Variants in COL22A1 observed in about 807,000 individuals in gnomAD.
COL22A1 encodes collagen type XXII alpha 1 chain, also known as collagen alpha-1(XXII) chain.
A neutral mutation model predicts 248.9 loss-of-function variants in COL22A1; 221 were observed. That is an observed-to-expected ratio of 0.89 (90% confidence interval 0.80 to 0.99). The LOEUF is 0.99. Ranked by LOEUF, COL22A1 falls within the 50% of genes least tolerant of loss-of-function variation. The pLI is 0.00. For synonymous variants in COL22A1, 891 were observed against 793.4 expected, an observed-to-expected ratio of 1.12 and a Z score of -2.07; for missense variants, 2,240 against 2,179.0, an observed-to-expected ratio of 1.03 and a Z score of -0.56.
intron 1 of COL22A1, among the ~76,000 whole-genome samples, chr8:138,900,187 C>G (rs1434530604): frequency 6.6e-6 from 1 of 152,214 alleles, no homozygotes; most frequent in Non-Finnish European, 1.5e-5. Flanking sequence ...AGATTCTGTG[C>G]TCTTTTCATT....
At chr8:138,682,571 A>G (rs1021948601) in intron 39 of COL22A1, among the ~76,000 whole-genome samples, 3 of 152,190 alleles carry the variant, frequency 2.0e-5, no homozygotes, top group Non-Finnish European at 4.4e-5. Flanking sequence ...GCATACCTAG[A>G]GCTCATGCTC....
chr8:138,607,911 C>CA (rs1366472168), intron 57 of COL22A1, 25 bp downstream of exon 57: 3 of 1,612,138 alleles, frequency 1.9e-6, no homozygotes, highest in South Asian at 2.2e-5. Flanking sequence ...CTGATGCCAT[C>CA]ACATAGCAGC....
chr8:138,641,312 T>C (rs1415219864), intron 47 of COL22A1, among the ~76,000 whole-genome samples: 2 of 152,196 alleles, frequency 1.3e-5, no homozygotes, highest in African/African-American at 4.8e-5. Context: ...CTTTTGCTCA[T>C]TGGGTGTCTC....
intron 1 of COL22A1, among the ~76,000 whole-genome samples, chr8:138,899,684 C>G (rs749836984): frequency 6.6e-6 from 1 of 151,936 alleles, no homozygotes; most frequent in Non-Finnish European, 1.5e-5. Flanking sequence ...CCACCATGCC[C>G]GGCTAATTTT....
intron 12 of COL22A1, among the ~76,000 whole-genome samples, chr8:138,785,499 A>T (rs1481236743): frequency 2.6e-5 from 4 of 152,226 alleles, no homozygotes; most frequent in Non-Finnish European, 5.9e-5. Flanking sequence ...CTCCCTCCAG[A>T]ATCAGGCCGC....
rs773356737 is a variant in COL22A1, at chr8:138,796,900, C to T, written c.1558-43G>A. 34 of 1,331,068 alleles carry T rather than the reference C, an allele frequency of 2.6e-5. 1 individual carries two copies. Among genetic ancestry groups the T allele is most frequent in the Middle Eastern group, 3.6e-4 (2 of 5,598 alleles). The allele number at this position is 1,331,068 out of a possible 1,614,324, so 82.5% of individuals were successfully genotyped here. A position where few individuals can be genotyped will look rare whatever the true frequency, so the allele number is the denominator to read the frequency against. On this transcript the variant is annotated intron_variant, in intron 11 of 64. Transcript: ENST00000303045. The stretch of plus-strand genomic sequence containing the variant: ...GGCAAAGATTCACTACAGAGCATCT[C>T]CATGGCATGACATTGCAAATGGCAA...
chr8:138,638,603 T>A (rs2130402641), intron 47 of COL22A1, among the ~76,000 whole-genome samples: 1 of 152,280 alleles, frequency 6.6e-6, no homozygotes, highest in South Asian at 2.1e-4. Context: ...CTCATATCTG[T>A]GAAGTGCTAA....
intron 10 of COL22A1, among the ~76,000 whole-genome samples, chr8:138,803,306 T>C (rs1817160309): frequency 6.6e-6 from 1 of 152,164 alleles, no homozygotes; most frequent in African/African-American, 2.4e-5. Context: ...TCTTTGGGCC[T>C]CAGGCTTCTC....
intron 21 of COL22A1, among the ~76,000 whole-genome samples, chr8:138,752,667 T>C (rs1471444351): frequency 6.6e-6 from 1 of 152,200 alleles, no homozygotes. Context: ...TGTTTCATCT[T>C]AGGGAATGGA....
chr8:138,775,230 G>C (rs1304046764), intron 16 of COL22A1, among the ~76,000 whole-genome samples: 1 of 152,170 alleles, frequency 6.6e-6, no homozygotes, highest in African/African-American at 2.4e-5. Context: ...GCTGGGAAGA[G>C]TACACTGAAA....
intron 60 of COL22A1, among the ~76,000 whole-genome samples, chr8:138,600,146 A>G (rs1817883681): frequency 6.6e-6 from 1 of 152,232 alleles, no homozygotes; most frequent in South Asian, 2.1e-4. Flanking sequence ...GAACTATGGC[A>G]AGCCCAGGGC....
chr8:138,732,005 A>G (rs1830747342), intron 23 of COL22A1, among the ~76,000 whole-genome samples: 1 of 152,224 alleles, frequency 6.6e-6, no homozygotes, highest in South Asian at 2.1e-4. Flanking sequence ...CCTCACTGGT[A>G]AGTTTCCCAA....
intron 44 of COL22A1, 150 bp downstream of exon 44, chr8:138,660,286 T>A (rs1823700582): frequency 4.6e-6 from 3 of 654,304 alleles, no homozygotes; most frequent in Non-Finnish European, 8.1e-6. Context: ...TATCTCTGAG[T>A]CTCACAACAT....
intron 63 of COL22A1, among the ~76,000 whole-genome samples, chr8:138,593,804 A>G (rs933485775): frequency 6.6e-6 from 1 of 152,218 alleles, no homozygotes; most frequent in South Asian, 2.1e-4. Flanking sequence ...AACTGATTCA[A>G]TCTTCCTAGC....
intron 37 of COL22A1, among the ~76,000 whole-genome samples, chr8:138,685,765 A>T (rs555522687): frequency 3.9e-5 from 6 of 152,302 alleles, no homozygotes; most frequent in African/African-American, 1.4e-4. Flanking sequence ...AGTCCTGCCA[A>T]CACCTTGACT....
At chr8:138,804,416 G>A (rs1817281901) in intron 10 of COL22A1, among the ~76,000 whole-genome samples, 2 of 152,158 alleles carry the variant, frequency 1.3e-5, no homozygotes, top group African/African-American at 4.8e-5. Context: ...TGCTCTCCTT[G>A]TGGGGCCCAG....
chr8:138,659,325 T>TG (rs912298291), intron 44 of COL22A1, among the ~76,000 whole-genome samples: 27 of 152,110 alleles, frequency 1.8e-4, no homozygotes, highest in African/African-American at 6.5e-4. Context: ...AGATAAGGGA[T>TG]GGGGGGTCAT....
intron 3 of COL22A1, among the ~76,000 whole-genome samples, chr8:138,877,288 C>T (rs1160573975): frequency 3.9e-5 from 6 of 152,218 alleles, no homozygotes; most frequent in Admixed American, 3.3e-4. Context: ...ATGCTTCTTG[C>T]GTGATCCCTC....
chr8:138,799,839 T>C (rs1816851983), intron 11 of COL22A1, among the ~76,000 whole-genome samples: 1 of 152,234 alleles, frequency 6.6e-6, no homozygotes, highest in South Asian at 2.1e-4. Context: ...GGTTTCTTTC[T>C]GATGCCAGGA....
Sources: gnomAD v4.1 joint callset for allele counts (sites outside exome capture counted in the v4.1 genomes callset) on GRCh38, gnomAD v4.1.1 for gene constraint, MANE v1.5 for transcripts, NCBI Gene and HGNC (gene_info 2026-07-23, HGNC 2026-07-21) for gene names.